The following MYH9 variants were observed in gnomAD, a reference collection of about 807,000 sequenced individuals.
MYH9 encodes myosin heavy chain 9, also known as myosin-9.
Under a neutral mutation model 241.9 loss-of-function variants are expected in MYH9, and 29 were observed. The ratio of observed to expected loss-of-function variants is 0.12; its 90% CI spans 0.09 to 0.16. MYH9 has a LOEUF of 0.16. Among genes scored for constraint, MYH9 ranks in the 10% least tolerant of loss-of-function variants. The probability of loss-of-function intolerance (pLI) is 1.00; values close to 1 mark genes in which losing one functional copy is unlikely to be tolerated. For missense variants in MYH9, 1,803 were observed against 2,595.5 expected (o/e 0.69, Z 6.63); for synonymous variants, 1,047 against 1,062.6 (o/e 0.99, Z 0.29).
At chr22:36,351,045 G>A (rs1041429836) in intron 1 of MYH9, among the ~76,000 whole-genome samples, 2 of 152,242 alleles carry the variant, frequency 1.3e-5, no homozygotes, top group Non-Finnish European at 2.9e-5. Flanking sequence ...ATCCCAAGGA[G>A]GCTGGGGGCA....
chr22:36,299,440 TC>T (rs1675133205), intron 23 of MYH9, among the ~76,000 whole-genome samples: 3 of 152,042 alleles, frequency 2.0e-5, no homozygotes, highest in African/African-American at 7.2e-5. Context: ...CCACGGCCCC[TC>T]CCCCTCTTCA....
In MYH9 at chr22:36,320,960, T is replaced by C. The variant is rs1173071347; in HGVS notation, c.770-64A>G. The C allele has an allele frequency of 6.9e-7, 1 of 1,453,754 alleles. No individual in the cohort carries two copies. Among genetic ancestry groups the C allele is most frequent in the African/African-American group, 1.4e-5 (1 of 71,286 alleles). 90.1% of individuals were successfully genotyped at this position (1,453,754 alleles called of 1,614,324 possible). On this transcript the variant is annotated intron_variant, in intron 7 of 40. Coordinates refer to ENST00000216181, the MANE Select transcript of MYH9 (RefSeq NM_002473.6). The surrounding 1 kb of genome is among the most constrained non-coding windows in gnomAD (Gnocchi z 4.8). ...GGCAAGCCCTCCACTTTCCTCATTT[T>C]TTTTTTTTTGGAGACAGAGTCTCGC...
Position 36,293,885 on chromosome 22 carries a change from A to G in MYH9, c.3838-22T>C. The G allele has an allele frequency of 6.2e-7, 1 of 1,605,676 alleles. No homozygotes were observed. Among genetic ancestry groups the G allele is most frequent in the South Asian group, 1.1e-5 (1 of 90,216 alleles). ...CCACCTGCACCGGGCGGGGAGACAC[A>G]AAGGACCATGGACCCACCCCCACTG... On this transcript the variant is annotated intron_variant, in intron 28 of 40. Transcript: ENST00000216181. This position sits in a 1 kb window ranked among gnomAD's most constrained non-coding sequence, Gnocchi z 5.1.
At chr22:36,289,530 G>A (rs1036184410) in intron 31 of MYH9, among the ~76,000 whole-genome samples, 4 of 152,260 alleles carry the variant, frequency 2.6e-5, no homozygotes, top group African/African-American at 9.6e-5. Context: ...ATGTTGTAAC[G>A]TCTGTTTAAT....
rs753622711 is a variant in MYH9, at chr22:36,286,721, C to T, written c.5058G>A (p.Gln1686=). ...TCTCCATTGCAGCCCCACCCACCTC[C>T]TGCAACTGGATCATCTCGGCCTCCA... ...KSMEAEMIQL[Q]EELAAAERAK... The change falls in exon 35 of 41, where the codon CAG becomes CAA. Residue 1686 remains glutamine (Q), a synonymous_variant. Coordinates refer to ENST00000216181, the MANE Select transcript of MYH9 (RefSeq NM_002473.6). 3.7e-6 allele frequency: 6 copies of T among 1,612,426 alleles called. No homozygotes were observed. The highest frequency in any genetic ancestry group is 5.1e-6 in the Non-Finnish European group (6 of 1,180,034).
At chr22:36,362,972 C>G (rs118064968) in intron 1 of MYH9, among the ~76,000 whole-genome samples, 1 of 152,106 alleles carries the variant, frequency 6.6e-6, no homozygotes, top group African/African-American at 2.4e-5. Context: ...AGCCACACCT[C>G]TCTTATCCCC....
At position 36,284,404 on chromosome 22, in the gene MYH9, TG is replaced by T; in HGVS notation, c.5590del (p.Gln1864ArgfsTer9). 6.2e-7 allele frequency: 1 copy of T among 1,612,252 alleles called. No individual in the cohort carries two copies. ...TCACTGCCCCACCAGCGCCCACACCTGGTCCTTGTACTGCTCGGCGTTCCTC... is the reference window on the plus strand; with the variant it reads ...TCACTGCCCCACCAGCGCCCACACCTGTCCTTGTACTGCTCGGCGTTCCTC... ...ERRNAEQYKD[Q>X]ADKASTRLKQ... On this transcript the variant is annotated frameshift_variant and splice_region_variant, in exon 39 of 41. Coordinates refer to ENST00000216181, the MANE Select transcript of MYH9 (RefSeq NM_002473.6). LOFTEE classifies it high-confidence loss of function.
rs1299036885 is a variant in MYH9 at position 36,286,799 on chromosome 22, A to C, written c.4980T>G (p.Ser1660=). ...CMRELDDTRA[S]REEILAQAKE... Reference sequence around the variant, plus strand: ...TGGCCTGGGCCAGGATCTCCTCACGAGAGGCGCGGGTGTCATCCAGCTCGC... The same window carrying C: ...TGGCCTGGGCCAGGATCTCCTCACGCGAGGCGCGGGTGTCATCCAGCTCGC... Residue 1660 remains serine, a synonymous_variant, in exon 35 of 41, where the codon TCT becomes TCG. Transcript: ENST00000216181. 5.6e-6 allele frequency: 9 copies of C among 1,612,200 alleles called. No individual in the cohort carries two copies. Among genetic ancestry groups the C allele is most frequent in the Non-Finnish European group, 7.6e-6 (9 of 1,180,024 alleles).
At chr22:36,291,479 A>G (rs538885414) in intron 31 of MYH9, among the ~76,000 whole-genome samples, 8 of 151,934 alleles carry the variant, frequency 5.3e-5, no homozygotes, top group Admixed American at 5.2e-4. Context: ...GCTTGAAGGC[A>G]GCATGCTCTT....
chr22:36,386,833 G>C (rs185249695), intron 1 of MYH9, among the ~76,000 whole-genome samples: 2 of 152,386 alleles, frequency 1.3e-5, no homozygotes, highest in East Asian at 3.9e-4. Flanking sequence ...CCCAGAACAG[G>C]ATGGGGTGAG....
At chr22:36,318,997 C>T (rs779619830) in intron 10 of MYH9, among the ~76,000 whole-genome samples, 1 of 151,976 alleles carries the variant, frequency 6.6e-6, no homozygotes, top group African/African-American at 2.4e-5. Flanking sequence ...CTCCTGACCT[C>T]GTGATCTGCC....
At chr22:36,348,824 G>A in intron 2 of MYH9, 80 bp downstream of exon 2, 2 of 1,153,938 alleles carry the variant, frequency 1.7e-6, no homozygotes, top group Non-Finnish European at 2.5e-6. Context: ...AGGCACGTGA[G>A]GGTGATGGGA....
Position 36,320,413 on chromosome 22 carries a change from G to A in MYH9, c.869-50C>T. The A allele has an allele frequency of 6.2e-7, 1 of 1,604,454 alleles. No homozygotes were observed. The highest frequency in any genetic ancestry group is 1.1e-5 in the South Asian group (1 of 91,000). On this transcript the variant is annotated intron_variant, in intron 8 of 40. Transcript: ENST00000216181. The surrounding 1 kb of genome is among the most constrained non-coding windows in gnomAD (Gnocchi z 4.8). ...GCCTCAGCGAGGTGCTGAAAGTGGAGGCTCCATCAGCGCTGTGACCTCAAA... is the reference window on the plus strand; with the variant it reads ...GCCTCAGCGAGGTGCTGAAAGTGGAAGCTCCATCAGCGCTGTGACCTCAAA...
At chr22:36,379,712 G>A (rs1380618046) in intron 1 of MYH9, among the ~76,000 whole-genome samples, 2 of 152,172 alleles carry the variant, frequency 1.3e-5, no homozygotes, top group Non-Finnish European at 2.9e-5. Flanking sequence ...CTGCACGGCA[G>A]GAAGCCACAC....
At chr22:36,318,178 G>A in intron 11 of MYH9, 29 bp downstream of exon 11, 1 of 1,596,892 alleles carries the variant, frequency 6.3e-7, no homozygotes, top group Non-Finnish European at 8.6e-7. Flanking sequence ...CCAGGAGGCA[G>A]CCAGCTGCCC....
At chr22:36,309,919 G>A (rs1008138689) in intron 14 of MYH9, among the ~76,000 whole-genome samples, 1 of 152,150 alleles carries the variant, frequency 6.6e-6, no homozygotes, top group African/African-American at 2.4e-5. Context: ...AGGGTTCAGA[G>A]AGACTCCCAG....
chr22:36,340,948 G>A (rs796745995), intron 3 of MYH9, among the ~76,000 whole-genome samples: 21 of 152,212 alleles, frequency 1.4e-4, no homozygotes, highest in East Asian at 3.9e-4. Flanking sequence ...GAAGCCACCC[G>A]AGGCTCTGCA....
intron 1 of MYH9, among the ~76,000 whole-genome samples, chr22:36,353,812 T>C (rs2017810444): frequency 6.6e-6 from 1 of 152,230 alleles, no homozygotes; most frequent in Non-Finnish European, 1.5e-5. Context: ...ATGGAAACAC[T>C]TGATTTTTAA....
At chr22:36,319,852 C>T in intron 9 of MYH9, 1 of 645,736 alleles carries the variant, frequency 1.5e-6, no homozygotes, top group Non-Finnish European at 2.8e-6. Context: ...CATGGCCTGT[C>T]CGCACTGCCA....
Sources: allele counts gnomAD v4.1 joint callset (sites outside exome capture counted in the v4.1 genomes callset), GRCh38; gene constraint gnomAD v4.1.1; non-coding constraint Gnocchi (gnomAD v3.1); transcripts MANE v1.5; gene names NCBI Gene and HGNC (gene_info 2026-07-23, HGNC 2026-07-21).